PPARGC1A: variants seen among roughly 807,000 people sequenced by gnomAD.
PPARGC1A encodes PPARG coactivator 1 alpha.
PPARGC1A carries 25 observed loss-of-function variants against 88.7 expected under a neutral mutation model. The ratio of observed to expected loss-of-function variants is 0.28; its 90% CI spans 0.21 to 0.39. PPARGC1A has a LOEUF of 0.39. PPARGC1A is among the 10% of genes least tolerant of loss of function. The pLI is 1.00. For synonymous variants in PPARGC1A, 363 were observed against 355.6 expected, an observed-to-expected ratio of 1.02 and a Z score of -0.24; for missense variants, 880 against 968.7, an observed-to-expected ratio of 0.91 and a Z score of 1.22.
chr4:23,885,985 C>T (rs1716809911), intron 1 of PPARGC1A, among the ~76,000 whole-genome samples: 1 of 152,222 alleles, frequency 6.6e-6, no homozygotes, highest in East Asian at 1.9e-4. Context: ...AGTGGACTCC[C>T]CTTACCAATG....
chr4:24,185,349 C>T, the PPARGC1A span, among the ~76,000 whole-genome samples: 1 of 152,156 alleles, frequency 6.6e-6, no homozygotes, highest in African/African-American at 2.4e-5. Flanking sequence ...CCTCTTAAAA[C>T]TGAAGACTAA....
the PPARGC1A span, among the ~76,000 whole-genome samples, chr4:24,325,221 A>T: frequency 6.6e-6 from 1 of 152,168 alleles, no homozygotes; most frequent in African/African-American, 2.4e-5. Flanking sequence ...TCAAAAGGCC[A>T]TCTTATTCTC....
chr4:24,166,465 A>T, the PPARGC1A span, among the ~76,000 whole-genome samples: 2 of 152,226 alleles, frequency 1.3e-5, no homozygotes, highest in Non-Finnish European at 2.9e-5. Context: ...GCCATCTAGG[A>T]CTTTCATAGT....
At chr4:23,960,266 G>C in the PPARGC1A span, among the ~76,000 whole-genome samples, 2 of 152,030 alleles carry the variant, frequency 1.3e-5, no homozygotes, top group Non-Finnish European at 2.9e-5. Context: ...TTTTTTTGTT[G>C]TGACAACTGC....
chr4:24,396,799 A>G, the PPARGC1A span, among the ~76,000 whole-genome samples: 9 of 152,004 alleles, frequency 5.9e-5, no homozygotes, highest in Non-Finnish European at 1.0e-4. Flanking sequence ...ATTCCTTCAT[A>G]AAAAGGTCCT....
chr4:24,350,503 C>G, the PPARGC1A span, among the ~76,000 whole-genome samples: 2 of 152,172 alleles, frequency 1.3e-5, no homozygotes, highest in Non-Finnish European at 2.9e-5. Flanking sequence ...CTTCCCTTAT[C>G]CAAATCACCA....
At chr4:24,470,826 C>T in the PPARGC1A span, among the ~76,000 whole-genome samples, 1 of 151,780 alleles carries the variant, frequency 6.6e-6, no homozygotes, top group Non-Finnish European at 1.5e-5. The surrounding 1 kb of genome is among the most constrained non-coding windows in gnomAD (Gnocchi z 5.8). Context: ...ATGTATTATT[C>T]ACTCGGATGG....
At chr4:24,128,619 G>A in the PPARGC1A span, among the ~76,000 whole-genome samples, 1 of 151,234 alleles carries the variant, frequency 6.6e-6, no homozygotes, top group Non-Finnish European at 1.5e-5. Context: ...CGCATATTAA[G>A]CCAAATTCAG....
At chr4:24,331,438 A>G in the PPARGC1A span, among the ~76,000 whole-genome samples, 2 of 152,130 alleles carry the variant, frequency 1.3e-5, no homozygotes, top group Middle Eastern at 6.3e-3. Context: ...CCTGCATTGT[A>G]TTAATTAGTT....
At chr4:23,936,700 G>A in the PPARGC1A span, among the ~76,000 whole-genome samples, 2 of 152,072 alleles carry the variant, frequency 1.3e-5, no homozygotes, top group African/African-American at 4.8e-5. Flanking sequence ...GGGAAAACCC[G>A]TCTCTACTAC....
At chr4:24,088,049 T>A in the PPARGC1A span, among the ~76,000 whole-genome samples, 1 of 152,110 alleles carries the variant, frequency 6.6e-6, no homozygotes, top group African/African-American at 2.4e-5. Context: ...TAAAATATAA[T>A]GTGAAAATAT....
chr4:24,115,165 C>T, the PPARGC1A span, among the ~76,000 whole-genome samples: 349 of 152,256 alleles, frequency 2.3e-3, 2 homozygotes, highest in African/African-American at 8.2e-3. Flanking sequence ...CTTAGATTCT[C>T]CGTGTTGCAT....
the PPARGC1A span, among the ~76,000 whole-genome samples, chr4:24,396,707 G>T: frequency 5.9e-5 from 9 of 152,000 alleles, no homozygotes; most frequent in Non-Finnish European, 2.9e-5. Flanking sequence ...GCACCGCATT[G>T]CTCCCCACAG....
chr4:24,080,438 T>G, the PPARGC1A span, among the ~76,000 whole-genome samples: 2 of 152,080 alleles, frequency 1.3e-5, no homozygotes, highest in Admixed American at 1.3e-4. Context: ...TAATAATTTT[T>G]CAGTGTTTCT....
the PPARGC1A span, among the ~76,000 whole-genome samples, chr4:24,033,951 T>C: frequency 6.6e-6 from 1 of 152,220 alleles, no homozygotes; most frequent in African/African-American, 2.4e-5. Context: ...ATGGCAAAGT[T>C]CTGGCTCAGA....
the PPARGC1A span, among the ~76,000 whole-genome samples, chr4:24,092,115 A>G: frequency 6.6e-6 from 1 of 152,126 alleles, no homozygotes; most frequent in Non-Finnish European, 1.5e-5. Flanking sequence ...GCCAGTGAAC[A>G]TGAATAATAG....
the PPARGC1A span, among the ~76,000 whole-genome samples, chr4:24,398,899 G>C: frequency 6.6e-6 from 1 of 152,208 alleles, no homozygotes; most frequent in Non-Finnish European, 1.5e-5. Context: ...TGAGGGCAGG[G>C]CTGTTGTGAA....
chr4:24,185,426 C>G, the PPARGC1A span, among the ~76,000 whole-genome samples: 2 of 152,138 alleles, frequency 1.3e-5, no homozygotes, highest in Admixed American at 1.3e-4. Context: ...ATAAGATGAG[C>G]AGCCTCCAGT....
At chr4:23,877,976 G>A (rs1715147642) in intron 2 of PPARGC1A, 1 of 152,200 alleles carries the variant, frequency 6.6e-6, no homozygotes, top group South Asian at 2.1e-4. Context: ...GCAGCACCCT[G>A]AACCTTGTGA....
Sources: allele counts gnomAD v4.1 joint callset (sites outside exome capture counted in the v4.1 genomes callset), GRCh38; gene constraint gnomAD v4.1.1; non-coding constraint Gnocchi (gnomAD v3.1); transcripts MANE v1.5; gene names NCBI Gene and HGNC (gene_info 2026-07-23, HGNC 2026-07-21).